CD44: variants seen among roughly 807,000 people sequenced by gnomAD.
CD44 encodes CD44 molecule (IN blood group), also known as CD44 antigen.
CD44 carries 49 observed loss-of-function variants against 88.8 expected under a neutral mutation model. The ratio of observed to expected loss-of-function variants is 0.55; its 90% CI spans 0.44 to 0.70. The LOEUF (loss-of-function observed/expected upper bound fraction) is 0.70, where lower values mean the gene tolerates loss of function less well. Among genes scored for constraint, CD44 ranks in the 30% least tolerant of loss-of-function variants. The pLI, the probability that CD44 is intolerant of heterozygous loss-of-function variation, is 0.00. For synonymous variants in CD44, 325 were observed against 312.3 expected, an observed-to-expected ratio of 1.04 and a Z score of -0.43; for missense variants, 883 against 913.8, an observed-to-expected ratio of 0.97 and a Z score of 0.43.
chr11:35,211,275 G>C lies in CD44; in HGVS notation c.1636G>C (p.Asp546His). 1 of 1,613,842 alleles carries C rather than the reference G, an allele frequency of 6.2e-7. No homozygotes were observed. The highest frequency in any genetic ancestry group is 8.5e-7 in the Non-Finnish European group (1 of 1,179,844). Residue 546 changes from aspartate to histidine, a missense_variant, in exon 14 of 18, where the codon GAC becomes CAC. Physicochemically the swap from Asp to His is moderately conservative, Grantham distance 81. Around this residue, in one of 2 missense-constraint regions of CD44, gnomAD observed 631 missense variants for 590.9 expected, o/e 1.07. Coordinates refer to ENST00000428726, the MANE Select transcript of CD44 (RefSeq NM_000610.4). ...GAATGATGTCACAGGTGGAAGAAGA[G>C]ACCCAAATCATTCTGAAGGCTCAAC... is the stretch of plus-strand genomic sequence containing the variant. ...NRNDVTGGRRDPNHSEGSTTL... is the reference protein window; with the variant it reads ...NRNDVTGGRRHPNHSEGSTTL...
In CD44 at chr11:35,229,461, C is replaced by G; in HGVS notation, c.*128C>G. ...CGAATCTTTTTTAGCATAAAATTTT[C>G]TACTCTTTTTGTTTTTTGTGTTTTG... On this transcript the variant is annotated 3_prime_UTR_variant, in exon 18 of 18. Transcript: ENST00000428726. The G allele has an allele frequency of 1.6e-6, 1 of 634,464 alleles. No individual in the cohort carries two copies. The highest frequency in any genetic ancestry group is 2.3e-5 in the South Asian group (1 of 43,974). The allele number at this position is 634,464 out of a possible 1,614,324, so 39.3% of individuals were successfully genotyped here. A position where few individuals can be genotyped will look rare whatever the true frequency, so the allele number is the denominator to read the frequency against.
intron 3 of CD44, among the ~76,000 whole-genome samples, chr11:35,185,403 T>C (rs1945559847): frequency 6.6e-6 from 1 of 152,232 alleles, no homozygotes; most frequent in Admixed American, 6.5e-5. Flanking sequence ...ATCCTTTTTA[T>C]CTGTGGGAAA....
chr11:35,165,265 T>C (rs1943130446), intron 1 of CD44, among the ~76,000 whole-genome samples: 4 of 152,196 alleles, frequency 2.6e-5, no homozygotes, highest in African/African-American at 9.7e-5. Context: ...ATGCTTCCAC[T>C]GGTCCCATTT....
chr11:35,219,663 C>T (rs1180051303), intron 16 of CD44, among the ~76,000 whole-genome samples: 1 of 152,196 alleles, frequency 6.6e-6, no homozygotes, highest in Non-Finnish European at 1.5e-5. Flanking sequence ...ATGTTAGTTA[C>T]TAAAGCTTCC....
In CD44 at chr11:35,206,132, C is replaced by G. The variant is rs776876282; in HGVS notation, c.1303C>G (p.His435Asp). 1 of 1,610,194 alleles carries G rather than the reference C, an allele frequency of 6.2e-7. No homozygotes were observed. Among genetic ancestry groups the G allele is most frequent in the African/African-American group, 1.3e-5 (1 of 74,642 alleles). The change falls in exon 11 of 18, where the codon CAT becomes GAT. Residue 435 changes from histidine to aspartate, a missense_variant. By Grantham distance (81) the His-to-Asp change is moderately conservative. Coordinates refer to ENST00000428726, the MANE Select transcript of CD44 (RefSeq NM_000610.4). ...CACAGCAGCCTCAGCTCATACCAGC[C>G]ATCCAATGCAAGGAAGGACAACACC... The part of the protein sequence containing the change: ...GTAAASAHTS[H>D]PMQGRTTPSP...
intron 2 of CD44, among the ~76,000 whole-genome samples, chr11:35,177,877 G>A (rs1166069294): frequency 6.6e-6 from 1 of 152,238 alleles, no homozygotes; most frequent in African/African-American, 2.4e-5. Flanking sequence ...CATTTTAAGT[G>A]CTCGGTTAGT....
At chr11:35,163,098 C>T (rs1942837351) in intron 1 of CD44, among the ~76,000 whole-genome samples, 1 of 152,108 alleles carries the variant, frequency 6.6e-6, no homozygotes. Context: ...GCAGCTGCAT[C>T]ACTTCATTGC....
rs34175178 is a variant in CD44, at chr11:35,220,763, CTTTT to C, written c.1946-873_1946-870del. Among the ~76,000 whole-genome samples the C allele has an allele frequency of 4.8e-5, 5 of 105,200 alleles. No homozygotes were observed. In the East Asian group the frequency reaches 1.4e-3, roughly 30 times the overall value. 69.0% of individuals were successfully genotyped at this position (105,200 alleles called of 152,430 possible). A position where few individuals can be genotyped will look rare whatever the true frequency, so the allele number is the denominator to read the frequency against. ...CCATGGTTACCATTTTAATATACGTCTTTTTTTTTTTTTTTTTTTTTGAGATGGA... is the reference window on the plus strand; with the variant it reads ...CCATGGTTACCATTTTAATATACGTCTTTTTTTTTTTTTTTTTGAGATGGA... On this transcript the variant is annotated intron_variant, in intron 16 of 17. Coordinates refer to ENST00000428726, the MANE Select transcript of CD44 (RefSeq NM_000610.4).
chr11:35,174,856 G>A (rs1238140447), intron 1 of CD44, among the ~76,000 whole-genome samples: 1 of 152,178 alleles, frequency 6.6e-6, no homozygotes, highest in East Asian at 1.9e-4. Flanking sequence ...CTGTTATAGG[G>A]ATTAGAGATA....
At chr11:35,144,827 TA>T (rs1448177185) in intron 1 of CD44, among the ~76,000 whole-genome samples, 3 of 152,272 alleles carry the variant, frequency 2.0e-5, no homozygotes, top group African/African-American at 7.2e-5. Flanking sequence ...AAACACTTTT[TA>T]AAAATGCTTT....
In CD44 at chr11:35,162,036, T is replaced by G. The variant is rs147820293; in HGVS notation, c.68-14539T>G. ...TGAGTATCTGAAATTACCGTATTCA[T>G]GTATTAATCATTTACCTGTATACTA... On this transcript the variant is annotated intron_variant, in intron 1 of 17. Coordinates refer to ENST00000428726, the MANE Select transcript of CD44 (RefSeq NM_000610.4). Among the ~76,000 whole-genome samples the G allele has an allele frequency of 6.3e-3, 959 of 152,336 alleles. 9 individuals carry two copies. Among genetic ancestry groups the G allele is most frequent in the Non-Finnish European group, 9.6e-3 (654 of 68,032 alleles).
chr11:35,206,970 T>C (rs1036293527), intron 11 of CD44, among the ~76,000 whole-genome samples: 1 of 152,228 alleles, frequency 6.6e-6, no homozygotes, highest in Admixed American at 6.5e-5. Context: ...TTCCATTAAA[T>C]TAATGAACAT....
chr11:35,139,269 C>A lies in CD44; in HGVS notation c.-35C>A. ...CCCCGCGCCCAGGGATCCTCCAGCT[C>A]CTTTCGCCCGCGCCCTCCGTTCGCT... On this transcript the variant is annotated 5_prime_UTR_variant, in exon 1 of 18. Coordinates refer to ENST00000428726, the MANE Select transcript of CD44 (RefSeq NM_000610.4). 4 of 1,541,226 alleles carry A rather than the reference C, an allele frequency of 2.6e-6. No individual in the cohort carries two copies. Among genetic ancestry groups the A allele is most frequent in the Non-Finnish European group, 3.5e-6 (4 of 1,136,986 alleles).
At chr11:35,150,070 T>TA (rs11378695) in intron 1 of CD44, among the ~76,000 whole-genome samples, 89,442 of 151,958 alleles carry the variant, frequency 0.59, 28,262 homozygotes, top group African/African-American at 0.83. Flanking sequence ...TATTGTACTT[T>TA]AAAAACATTG....
chr11:35,155,435 C>T (rs1157895517), intron 1 of CD44, among the ~76,000 whole-genome samples: 5 of 152,150 alleles, frequency 3.3e-5, no homozygotes, highest in Non-Finnish European at 7.4e-5. Context: ...TTTTGTGCCT[C>T]TGTGCCACAC....
rs117817605 is a variant in CD44, at chr11:35,147,797, C to G, written c.67+8427C>G. 1.4e-3 allele frequency among the ~76,000 whole-genome samples: 208 copies of G among 152,110 alleles called. 3 individuals are homozygous for G. In the East Asian group the frequency reaches 0.039, roughly 28 times the overall value. ...GTTCACTATTATGCACATTAAGATG[C>G]CAGGGAGAGGGCTGGGAAAGGTGGC... On this transcript the variant is annotated intron_variant, in intron 1 of 17. Transcript: ENST00000428726.
intron 4 of CD44, among the ~76,000 whole-genome samples, chr11:35,188,956 C>A (rs983976942): frequency 6.6e-6 from 1 of 151,878 alleles, no homozygotes; most frequent in African/African-American, 2.4e-5. Flanking sequence ...AAAAAAGTTT[C>A]ATTTGAGCAA....
chr11:35,193,531 C>CAAAAAAGT (rs1159625795), intron 5 of CD44, among the ~76,000 whole-genome samples: 1 of 152,170 alleles, frequency 6.6e-6, no homozygotes. Context: ...GTATATGTAG[C>CAAAAAAGT]ATCACTTTTT....
At chr11:35,198,033 C>T (rs1169464728) in intron 6 of CD44, 88 bp from the exon 7 acceptor site, 1 of 1,414,542 alleles carries the variant, frequency 7.1e-7, no homozygotes, top group Non-Finnish European at 9.6e-7. Context: ...CCTGGGAAAT[C>T]CATTATACCT....
Sources: gnomAD v4.1 joint callset for allele counts (sites outside exome capture counted in the v4.1 genomes callset) on GRCh38, gnomAD v4.1.1 for gene constraint, gnomAD v4.1.1 regional missense constraint, MANE v1.5 for transcripts, NCBI Gene and HGNC (gene_info 2026-07-23, HGNC 2026-07-21) for gene names.